The following COLGALT1 variants were observed in gnomAD, a reference collection of about 807,000 sequenced individuals.
COLGALT1 encodes collagen beta(1-O)galactosyltransferase 1.
Under a neutral mutation model 60.8 loss-of-function variants are expected in COLGALT1, and 43 were observed. That is an observed-to-expected ratio of 0.71 (90% CI 0.55 to 0.91). COLGALT1 has a LOEUF of 0.91. Ranked by LOEUF, COLGALT1 falls within the 40% of genes least tolerant of loss-of-function variation. COLGALT1 has a pLI of 0.00. For missense variants in COLGALT1, 845 were observed against 880.0 expected, an observed-to-expected ratio of 0.96 and a Z score of 0.50; for synonymous variants, 369 against 374.2, an observed-to-expected ratio of 0.99 and a Z score of 0.16.
At position 17,568,064 on chromosome 19, in the gene COLGALT1, G is replaced by A. The variant is rs149121827; in HGVS notation, c.625-445G>A. Among the ~76,000 whole-genome samples the A allele has an allele frequency of 9.2e-5, 14 of 152,272 alleles. No individual in the cohort carries two copies. In the East Asian group the frequency reaches 2.5e-3, roughly 27 times the overall value. ...TCCCCCACCATGCTATTCCAGAGGTGGAAACAGAAACACAGAGAGGAAGTG... is the reference window on the plus strand; with the variant it reads ...TCCCCCACCATGCTATTCCAGAGGTAGAAACAGAAACACAGAGAGGAAGTG... On this transcript the variant is annotated intron_variant, in intron 4 of 11. Coordinates refer to ENST00000252599, the MANE Select transcript of COLGALT1 (RefSeq NM_024656.4).
rs74585796 is a variant in COLGALT1, at chr19:17,568,661, C to T, written c.777C>T (p.Tyr259=). 2,509 of 1,614,228 alleles carry T rather than the reference C, an allele frequency of 1.6e-3. 40 individuals carry two copies. In the African/African-American group the frequency reaches 0.03, roughly 20 times the overall value. ...NLAFYPPHPD[Y]TWSFDDIIVF... is the part of the protein sequence containing the mutation. ...CCTTCTACCCACCTCACCCTGACTA[C>T]ACCTGGTCCTTTGACGACATCATCG... Residue 259 remains tyrosine, a synonymous_variant, in exon 5 of 12, where the codon TAC becomes TAT. Coordinates refer to ENST00000252599, the MANE Select transcript of COLGALT1 (RefSeq NM_024656.4).
At chr19:17,573,842 C>T (rs549514647) in intron 6 of COLGALT1, among the ~76,000 whole-genome samples, 42 of 150,588 alleles carry the variant, frequency 2.8e-4, no homozygotes, top group African/African-American at 9.3e-4. Flanking sequence ...ATTAGCCAGG[C>T]GTGATGGCAC....
In COLGALT1 at chr19:17,555,706, G is replaced by C. The variant is rs1482394435; in HGVS notation, c.-8G>C. On this transcript the variant is annotated 5_prime_UTR_variant, in exon 1 of 12. Transcript: ENST00000252599. ...CAGAAAAACGACTTAAAGGAGACGC[G>C]TGGCGCGATGGCGGCGGCCCCACGC... 7 of 1,186,392 alleles carry C rather than the reference G, an allele frequency of 5.9e-6. No individual in the cohort carries two copies. The East Asian group carries it at 1.1e-4, about 19-fold the overall frequency. The allele number at this position is 1,186,392 out of a possible 1,614,324, so 73.5% of individuals were successfully genotyped here.
In COLGALT1 at chr19:17,575,125, C is replaced by T. The variant is rs148136638; in HGVS notation, c.950-2070C>T. On this transcript the variant is annotated intron_variant, in intron 6 of 11. Coordinates refer to ENST00000252599, the MANE Select transcript of COLGALT1 (RefSeq NM_024656.4). Reference sequence around the variant, plus strand: ...GGAGTGCAATGGTGCGATCTTGGCTCACTGCAACCTCCGCCTCCCAGGTTC... The same window carrying T: ...GGAGTGCAATGGTGCGATCTTGGCTTACTGCAACCTCCGCCTCCCAGGTTC... Among the ~76,000 whole-genome samples the T allele has an allele frequency of 6.0e-3, 911 of 152,308 alleles. 8 individuals are homozygous for T. Among genetic ancestry groups the T allele is most frequent in the African/African-American group, 0.021 (866 of 41,552 alleles).
Position 17,568,604 on chromosome 19 carries a change from C to T in COLGALT1, c.720C>T (p.Ile240=), listed in dbSNP as rs770328706. 51 of 1,614,218 alleles carry T rather than the reference C, an allele frequency of 3.2e-5. No homozygotes were observed. Among genetic ancestry groups the T allele is most frequent in the Non-Finnish European group, 4.2e-5 (50 of 1,180,034 alleles). Residue 240 remains isoleucine, a synonymous_variant, in exon 5 of 12, where the codon ATC becomes ATT. Coordinates refer to ENST00000252599, the MANE Select transcript of COLGALT1 (RefSeq NM_024656.4). ...AVPMVHSTFL[I]DLRKAASRNL... ...CCATGGTGCACTCGACCTTCCTGAT[C>T]GACCTGCGGAAGGCGGCGTCCAGGA...
At chr19:17,580,387 C>T (rs1483327260) in intron 10 of COLGALT1, 3 of 456,250 alleles carry the variant, frequency 6.6e-6, no homozygotes, top group African/African-American at 2.0e-5. Flanking sequence ...CAGGGCACCT[C>T]GCCCACCTCC....
In COLGALT1 at chr19:17,559,393, G is replaced by A. The variant is rs1462939279; in HGVS notation, c.343G>A (p.Val115Met). ...GGCCGTGAAGAGTTTGTACCATTCC[G>A]TGGAGTGGCGGCCAGCAGAGGAGCC... ...LVAVKSLYHS[V>M]EWRPAEEPRS... is the part of the protein sequence containing the mutation. Residue 115 changes from valine (V) to methionine (M), a missense_variant, in exon 2 of 12, where the codon GTG becomes ATG. Physicochemically the swap from Val to Met is conservative, Grantham distance 21. Transcript: ENST00000252599. The A allele has an allele frequency of 6.4e-7, 1 of 1,551,958 alleles. No homozygotes were observed. The highest frequency in any genetic ancestry group is 8.7e-7 in the Non-Finnish European group (1 of 1,147,158).
At chr19:17,580,463 C>T in intron 10 of COLGALT1, 1 of 577,858 alleles carries the variant, frequency 1.7e-6, no homozygotes, top group Non-Finnish European at 3.1e-6. Flanking sequence ...ATCCTGCTCT[C>T]CCCAGCTCCA....
rs781090013 is a variant in COLGALT1 at position 17,580,920 on chromosome 19, C to T, written c.1601+15C>T. On this transcript the variant is annotated intron_variant, in intron 11 of 11. Transcript: ENST00000252599. ...AAACACCCAGTGTGAGAGGGGCAGG[C>T]GGCTGCTGGGCTGGGGTTTCACGGT... 14 of 1,612,626 alleles carry T rather than the reference C, an allele frequency of 8.7e-6. No individual in the cohort carries two copies. Among genetic ancestry groups the T allele is most frequent in the South Asian group, 3.3e-5 (3 of 91,034 alleles).
chr19:17,578,230 G>A (rs1378622270), intron 9 of COLGALT1, 141 bp downstream of exon 9: 1 of 852,700 alleles, frequency 1.2e-6, no homozygotes, highest in Non-Finnish European at 1.7e-6. Context: ...CCTCTCTTTA[G>A]TGAATGATGC....
intron 3 of COLGALT1, among the ~76,000 whole-genome samples, chr19:17,561,773 G>A (rs12973375): frequency 0.18 from 27,459 of 151,912 alleles, 2,555 homozygotes; most frequent in Middle Eastern, 0.22. Flanking sequence ...ATTTTGGGGC[G>A]TCCATCCCCT....
intron 1 of COLGALT1, among the ~76,000 whole-genome samples, chr19:17,556,303 G>C (rs2076210999): frequency 6.6e-6 from 1 of 152,248 alleles, no homozygotes; most frequent in Non-Finnish European, 1.5e-5. Flanking sequence ...TACTAGGGCA[G>C]CTCCGGCCTC....
intron 1 of COLGALT1, among the ~76,000 whole-genome samples, chr19:17,557,200 A>G (rs557733175): frequency 6.6e-6 from 1 of 152,346 alleles, no homozygotes; most frequent in African/African-American, 2.4e-5. Context: ...GTACTTAACA[A>G]ATGTTTGTTG....
chr19:17,555,908 C>A lies in COLGALT1; in HGVS notation c.195C>A (p.His65Gln), dbSNP rs1057044165. The A allele has an allele frequency of 5.7e-6, 8 of 1,400,358 alleles. No individual in the cohort carries two copies. The African/African-American group carries it at 9.0e-5, about 16-fold the overall frequency. 86.7% of individuals were successfully genotyped at this position (1,400,358 alleles called of 1,614,324 possible). ...LIALLARNAA[H>Q]ALPTTLGALE... ...CGCTGTTGGCGCGAAACGCGGCCCA[C>A]GCGTTGCCCACCACGCTGGGCGCAC... Residue 65 changes from histidine to glutamine, a missense_variant, in exon 1 of 12, where the codon CAC becomes CAA. His to Gln is a conservative substitution (Grantham distance 24, BLOSUM62 0). Coordinates refer to ENST00000252599, the MANE Select transcript of COLGALT1 (RefSeq NM_024656.4).
At position 17,560,460 on chromosome 19, in the gene COLGALT1, A is replaced by G. The variant is rs2076242329; in HGVS notation, c.484A>G (p.Ile162Val). 1 of 1,613,906 alleles carries G rather than the reference A, an allele frequency of 6.2e-7. No individual in the cohort carries two copies. Among genetic ancestry groups the G allele is most frequent in the East Asian group, 2.2e-5 (1 of 44,876 alleles). The change falls in exon 3 of 12, where the codon ATC (isoleucine) becomes GTC (valine). Residue 162 changes from isoleucine to valine, a missense_variant. Coordinates refer to ENST00000252599, the MANE Select transcript of COLGALT1 (RefSeq NM_024656.4). ...KSARDMWADY[I>V]LFVDADNLIL... ...AGCTCGAGACATGTGGGCTGATTAC[A>G]TCCTGGTAAGTTTCTCAGCCGGCCG...
At position 17,568,726 on chromosome 19, in the gene COLGALT1, G is replaced by A; in HGVS notation, c.829+13G>A. 1 of 1,613,678 alleles carries A rather than the reference G, an allele frequency of 6.2e-7. No homozygotes were observed. Among genetic ancestry groups the A allele is most frequent in the East Asian group, 2.2e-5 (1 of 44,878 alleles). On this transcript the variant is annotated intron_variant, in intron 5 of 11. Transcript: ENST00000252599. The stretch of plus-strand genomic sequence containing the variant: ...TGCAAGCAGGCAGGTACGTACATGA[G>A]GGGTCTGCCATCGCAGGGGCATCTG...
At position 17,555,862 on chromosome 19, in the gene COLGALT1, A is replaced by C. The variant is rs1024052482; in HGVS notation, c.149A>C (p.Gln50Pro). The change falls in exon 1 of 12, where the codon CAG becomes CCG. Residue 50 changes from glutamine (Q) to proline (P), a missense_variant. By Grantham distance (76) the Gln-to-Pro change is moderately conservative. Coordinates refer to ENST00000252599, the MANE Select transcript of COLGALT1 (RefSeq NM_024656.4). Reference sequence around the variant, plus strand: ...CGCTGGAGCCCGGAGTCGCCCCTGCAGGCGCCGCGCGTGCTCATCGCGCTG... The same window carrying C: ...CGCTGGAGCCCGGAGTCGCCCCTGCCGGCGCCGCGCGTGCTCATCGCGCTG... ...EERWSPESPL[Q>P]APRVLIALLA... 4 of 1,372,958 alleles carry C rather than the reference A, an allele frequency of 2.9e-6. No individual in the cohort carries two copies. The highest frequency in any genetic ancestry group is 3.8e-6 in the Non-Finnish European group (4 of 1,059,070). The allele number at this position is 1,372,958 out of a possible 1,614,324, so 85.0% of individuals were successfully genotyped here. A position where few individuals can be genotyped will look rare whatever the true frequency, so the allele number is the denominator to read the frequency against.
At chr19:17,556,432 C>T in intron 1 of COLGALT1, 1 of 519,518 alleles carries the variant, frequency 1.9e-6, no homozygotes, top group Non-Finnish European at 2.5e-6. Flanking sequence ...GTGCCGGCTG[C>T]TGCCCTTAAG....
Position 17,559,331 on chromosome 19 carries a change from T to C in COLGALT1, c.281T>C (p.Met94Thr). 1 of 1,552,222 alleles carries C rather than the reference T, an allele frequency of 6.4e-7. No individual in the cohort carries two copies. Among genetic ancestry groups the C allele is most frequent in the Non-Finnish European group, 8.7e-7 (1 of 1,147,220 alleles). The part of the protein sequence containing the change: ...TALWVATDHN[M>T]DNTSTVLREW... The stretch of plus-strand genomic sequence containing the variant: ...TGCAGGGTGGCTACGGACCACAACA[T>C]GGATAACACGTCAACTGTGCTGCGG... Residue 94 changes from methionine (M) to threonine (T), a missense_variant, in exon 2 of 12, where the codon ATG becomes ACG. Coordinates refer to ENST00000252599, the MANE Select transcript of COLGALT1 (RefSeq NM_024656.4).
Sources: gnomAD v4.1 joint callset for allele counts (sites outside exome capture counted in the v4.1 genomes callset) on GRCh38, gnomAD v4.1.1 for gene constraint, MANE v1.5 for transcripts, NCBI Gene and HGNC (gene_info 2026-07-23, HGNC 2026-07-21) for gene names.